The following SPIDR variants were observed in gnomAD, a reference collection of about 807,000 sequenced individuals.
The protein encoded by SPIDR is scaffold protein involved in DNA repair.
SPIDR carries 93 observed loss-of-function variants against 104.6 expected under a neutral mutation model. That is an observed-to-expected ratio of 0.89 (90% CI 0.75 to 1.06). The LOEUF (loss-of-function observed/expected upper bound fraction) is 1.06. Among genes scored for constraint, SPIDR ranks in the 50% least tolerant of loss-of-function variants. The pLI is 0.00. For synonymous variants in SPIDR, 431 were observed against 416.9 expected (o/e 1.03, Z -0.41); for missense variants, 1,154 against 1,111.2 (o/e 1.04, Z -0.55).
At chr8:47,471,502 T>C (rs1256348706) in intron 8 of SPIDR, among the ~76,000 whole-genome samples, 1 of 152,142 alleles carries the variant, frequency 6.6e-6, no homozygotes, top group Non-Finnish European at 1.5e-5. Flanking sequence ...CAAAGACCAC[T>C]GAGAATAACA....
At chr8:47,512,080 C>T (rs1410325894) in intron 8 of SPIDR, 23 of 594,022 alleles carry the variant, frequency 3.9e-5, no homozygotes, top group Non-Finnish European at 5.5e-5. Flanking sequence ...GAAGCAGGCC[C>T]GGTCCTGCTC....
intron 14 of SPIDR, among the ~76,000 whole-genome samples, chr8:47,711,189 A>G (rs969087002): frequency 2.0e-5 from 3 of 152,330 alleles, no homozygotes; most frequent in South Asian, 2.1e-4. Flanking sequence ...CTTTGGACAC[A>G]TGCCCGTCAT....
intron 5 of SPIDR, among the ~76,000 whole-genome samples, chr8:47,306,894 G>A (rs1166942417): frequency 2.0e-5 from 3 of 152,168 alleles, no homozygotes; most frequent in Middle Eastern, 3.4e-3. Flanking sequence ...TCTGTTGTTA[G>A]TATAGCCACC....
chr8:47,696,871 T>C (rs2079402815), intron 11 of SPIDR, among the ~76,000 whole-genome samples: 1 of 152,244 alleles, frequency 6.6e-6, no homozygotes, highest in Admixed American at 6.5e-5. Flanking sequence ...CAGTGTCCTT[T>C]CTATCCCCAA....
intron 10 of SPIDR, among the ~76,000 whole-genome samples, chr8:47,646,648 A>C (rs1340029178): frequency 6.6e-6 from 1 of 152,192 alleles, no homozygotes; most frequent in African/African-American, 2.4e-5. Flanking sequence ...ACATTGAAGG[A>C]ATGGTGGGAT....
At chr8:47,582,241 G>GT (rs1013947930) in intron 8 of SPIDR, among the ~76,000 whole-genome samples, 2 of 149,740 alleles carry the variant, frequency 1.3e-5, no homozygotes, top group African/African-American at 2.5e-5. Context: ...AAAACTGCTT[G>GT]TTTTTTAAGG....
chr8:47,520,975 A>G (rs554834012), intron 8 of SPIDR, among the ~76,000 whole-genome samples: 101 of 152,336 alleles, frequency 6.6e-4, no homozygotes, highest in Middle Eastern at 6.8e-3. Flanking sequence ...TATGGCATCA[A>G]TGTAAGTATA....
intron 7 of SPIDR, among the ~76,000 whole-genome samples, chr8:47,421,520 TTTCAAGGTTTTTAAC>T (rs2065458083): frequency 6.6e-6 from 1 of 152,196 alleles, no homozygotes; most frequent in South Asian, 2.1e-4. Flanking sequence ...TCTAATCTTT[TTTCAAGGTTTTTAAC>T]TTCTTTGCCA....
intron 5 of SPIDR, among the ~76,000 whole-genome samples, chr8:47,303,922 C>A (rs1303852790): frequency 6.6e-6 from 1 of 152,134 alleles, no homozygotes; most frequent in Admixed American, 6.5e-5. Flanking sequence ...GTTGATCCAC[C>A]CACCTCGGCC....
At chr8:47,517,593 T>G (rs928873551) in intron 8 of SPIDR, among the ~76,000 whole-genome samples, 2 of 152,172 alleles carry the variant, frequency 1.3e-5, no homozygotes, top group African/African-American at 4.8e-5. Flanking sequence ...TCCAAAATGA[T>G]TATGTTCATC....
chr8:47,498,356 C>T (rs768847161), intron 8 of SPIDR, among the ~76,000 whole-genome samples: 31 of 152,070 alleles, frequency 2.0e-4, no homozygotes, highest in Non-Finnish European at 4.1e-4. Flanking sequence ...TCAAAGCAAC[C>T]CAGGTTAAAT....
chr8:47,686,323 CAAAT>C (rs1158919396), intron 11 of SPIDR, among the ~76,000 whole-genome samples: 4 of 152,094 alleles, frequency 2.6e-5, no homozygotes, highest in African/African-American at 4.8e-5. Context: ...GTATTAATCT[CAAAT>C]AAAAAATCCA....
intron 5 of SPIDR, among the ~76,000 whole-genome samples, chr8:47,347,922 TA>T (rs2052510246): frequency 6.6e-6 from 1 of 152,222 alleles, no homozygotes; most frequent in South Asian, 2.1e-4. Flanking sequence ...CTGTGTCTTT[TA>T]ATTGGGGCAT....
chr8:47,546,638 G>C (rs2089434376), intron 8 of SPIDR, among the ~76,000 whole-genome samples: 1 of 152,072 alleles, frequency 6.6e-6, no homozygotes, highest in Non-Finnish European at 1.5e-5. Flanking sequence ...TCAGCTTGCT[G>C]TGGGTTTATT....
At chr8:47,319,679 G>C (rs1431098161) in intron 5 of SPIDR, among the ~76,000 whole-genome samples, 2 of 152,014 alleles carry the variant, frequency 1.3e-5, no homozygotes, top group Non-Finnish European at 2.9e-5. Context: ...TTCCAAAATT[G>C]ACCACATAGT....
At chr8:47,658,819 C>T (rs993267607) in intron 10 of SPIDR, among the ~76,000 whole-genome samples, 8 of 151,446 alleles carry the variant, frequency 5.3e-5, no homozygotes, top group South Asian at 2.1e-4. Flanking sequence ...ACCTGTAATC[C>T]CAGCTACTCA....
chr8:47,593,388 A>AT (rs562937731), intron 8 of SPIDR, among the ~76,000 whole-genome samples: 16 of 150,916 alleles, frequency 1.1e-4, no homozygotes, highest in East Asian at 3.9e-4. Flanking sequence ...TGCTGAGACT[A>AT]TTTTTTTTCA....
At chr8:47,641,636 G>A (rs143453440) in intron 10 of SPIDR, among the ~76,000 whole-genome samples, 329 of 152,330 alleles carry the variant, frequency 2.2e-3, no homozygotes, top group African/African-American at 7.3e-3. Context: ...ACACAAGCAT[G>A]AAGGAATGCC....
At chr8:47,481,122 C>T (rs1429134952) in intron 8 of SPIDR, among the ~76,000 whole-genome samples, 3 of 152,282 alleles carry the variant, frequency 2.0e-5, no homozygotes, top group African/African-American at 7.2e-5. Context: ...TGTGATGTTA[C>T]TGTTGAATAT....
Sources: allele counts gnomAD v4.1 joint callset (sites outside exome capture counted in the v4.1 genomes callset), GRCh38; gene constraint gnomAD v4.1.1; transcripts MANE v1.5; gene names NCBI Gene and HGNC (gene_info 2026-07-23, HGNC 2026-07-21).